PCDHA4: variants seen among roughly 807,000 people sequenced by gnomAD.
PCDHA4 encodes protocadherin alpha-4.
In PCDHA4, 49 loss-of-function variants were observed where a neutral mutation model predicts 61.4. The observed-to-expected ratio is 0.80, with a 90% CI of 0.63 to 1.01. The LOEUF is 1.01. PCDHA4 is among the 50% of genes least tolerant of loss of function. The pLI is 0.00. For synonymous variants in PCDHA4, 590 were observed against 550.3 expected (o/e 1.07, Z -1.01); for missense variants, 1,254 against 1,235.8 (o/e 1.01, Z -0.22).
Position 140,807,462 on chromosome 5 carries a change from G to T in PCDHA4, c.275G>T (p.Arg92Leu). The T allele has an allele frequency of 6.2e-7, 1 of 1,608,784 alleles. No homozygotes were observed. Among genetic ancestry groups the T allele is most frequent in the Non-Finnish European group, 8.5e-7 (1 of 1,178,346 alleles). The change falls in exon 1 of 4, where the codon CGG becomes CTG. Residue 92 changes from arginine to leucine, a missense_variant. Physicochemically the swap from Arg to Leu is moderately radical, Grantham distance 102 (BLOSUM62 -2). Coordinates refer to ENST00000530339, the MANE Select transcript of PCDHA4 (RefSeq NM_018907.4). ...GILFVNSRID[R>L]EELCRRSAEC... ...TTGTTTGTGAATTCTCGGATCGACC[G>T]GGAGGAGCTGTGCCGGCGGAGCGCG...
At chr5:140,994,226 G>A (rs2097606248) in intron 3 of PCDHA4, among the ~76,000 whole-genome samples, 1 of 152,162 alleles carries the variant, frequency 6.6e-6, no homozygotes. Flanking sequence ...GTCTGTCTAT[G>A]TTATAATCAA....
In PCDHA4 at chr5:140,923,435, G is replaced by A. The variant is rs186360462; in HGVS notation, c.2386-55514G>A. 5.3e-3 allele frequency among the ~76,000 whole-genome samples: 803 copies of A among 152,184 alleles called. 3 individuals are homozygous for A. Among genetic ancestry groups the A allele is most frequent in the Non-Finnish European group, 8.4e-3 (569 of 67,990 alleles). ...CCTGGCTACTTGGGAGGCTGGGGTG[G>A]GAGGATCACCTGAGCCCAGAGAGGT... On this transcript the variant is annotated intron_variant, in intron 1 of 3. Transcript: ENST00000530339.
intron 1 of PCDHA4, among the ~76,000 whole-genome samples, chr5:140,914,442 CT>C (rs782585142): frequency 1.5e-4 from 23 of 152,072 alleles, no homozygotes; most frequent in Non-Finnish European, 2.9e-4. Context: ...TTTCCCATGT[CT>C]TTATTTTCCA....
chr5:140,972,479 C>T (rs782631191), intron 1 of PCDHA4, among the ~76,000 whole-genome samples: 1 of 151,994 alleles, frequency 6.6e-6, no homozygotes, highest in Non-Finnish European at 1.5e-5. Flanking sequence ...CAGCATTTAA[C>T]CCCAGACTCT....
intron 1 of PCDHA4, chr5:140,871,254 T>C (rs2052877149): frequency 6.8e-6 from 11 of 1,613,826 alleles, no homozygotes; most frequent in Admixed American, 1.7e-5. Context: ...TGCTGCTGTA[T>C]ACGGCGCTGT....
intron 1 of PCDHA4, chr5:140,815,038 A>T (rs1765640117): frequency 1.3e-5 from 2 of 152,070 alleles, no homozygotes; most frequent in African/African-American, 2.4e-5. Flanking sequence ...TTTGCATGAA[A>T]TTTTTTTAAT....
intron 1 of PCDHA4, among the ~76,000 whole-genome samples, chr5:140,957,165 A>C (rs2095338056): frequency 6.6e-6 from 1 of 152,190 alleles, no homozygotes; most frequent in African/African-American, 2.4e-5. Context: ...AAATCTAAGT[A>C]TATAAATTGG....
chr5:140,823,380 C>G (rs2150125210), intron 1 of PCDHA4: 20 of 1,612,570 alleles, frequency 1.2e-5, no homozygotes, highest in Non-Finnish European at 1.6e-5. Flanking sequence ...TCCAGGTGAG[C>G]GCGCGCGACG....
intron 1 of PCDHA4, among the ~76,000 whole-genome samples, chr5:140,944,227 G>A (rs1472509213): frequency 6.6e-6 from 1 of 152,046 alleles, no homozygotes; most frequent in Non-Finnish European, 1.5e-5. Flanking sequence ...TTACTCTGTC[G>A]CTCAGGCTGG....
intron 1 of PCDHA4, chr5:140,966,879 GC>G: frequency 1.3e-6 from 2 of 1,587,514 alleles, no homozygotes; most frequent in Non-Finnish European, 1.7e-6. Flanking sequence ...CTGCTACCTG[GC>G]CCTGCGGCCT....
At chr5:140,843,158 C>T in intron 1 of PCDHA4, 1 of 1,596,142 alleles carries the variant, frequency 6.3e-7, no homozygotes, top group Non-Finnish European at 8.6e-7. Flanking sequence ...TGAGCTGCAG[C>T]CAGCTGCAAG....
At position 140,807,779 on chromosome 5, in the gene PCDHA4, A is replaced by G. The variant is rs1562212438; in HGVS notation, c.592A>G (p.Lys198Glu). The G allele has an allele frequency of 6.2e-7, 1 of 1,614,134 alleles. No homozygotes were observed. Among genetic ancestry groups the G allele is most frequent in the East Asian group, 2.2e-5 (1 of 44,884 alleles). ...AAAAGGTCTTGGGCTTATATTACGG[A>G]AATCTTTAGACAGAGAAGAAGCTCC... ...LVKGLGLILR[K>E]SLDREEAPEI... The change falls in exon 1 of 4, where the codon AAA (lysine) becomes GAA (glutamate). Residue 198 changes from lysine to glutamate, a missense_variant. By Grantham distance (56) the Lys-to-Glu change is moderately conservative. Coordinates refer to ENST00000530339, the MANE Select transcript of PCDHA4 (RefSeq NM_018907.4).
At position 140,878,341 on chromosome 5, in the gene PCDHA4, A is replaced by G. The variant is rs980108622; in HGVS notation, c.2385+68769A>G. Reference sequence around the variant, plus strand: ...TTCACATTATATTCCAGGTATTATCACAATAATATAAATGATATGTCTGAC... The same window carrying G: ...TTCACATTATATTCCAGGTATTATCGCAATAATATAAATGATATGTCTGAC... On this transcript the variant is annotated intron_variant, in intron 1 of 3. Coordinates refer to ENST00000530339, the MANE Select transcript of PCDHA4 (RefSeq NM_018907.4). Among the ~76,000 whole-genome samples the G allele has an allele frequency of 2.0e-5, 3 of 152,350 alleles. No homozygotes were observed. In the East Asian group the frequency reaches 5.8e-4, roughly 29 times the overall value.
chr5:140,990,852 A>T (rs1265916406), intron 3 of PCDHA4, among the ~76,000 whole-genome samples: 2 of 152,198 alleles, frequency 1.3e-5, no homozygotes, highest in Non-Finnish European at 1.5e-5. Context: ...TAGAGCCCTG[A>T]GGACATTGTA....
At chr5:140,836,227 C>T in intron 1 of PCDHA4, 2 of 1,613,736 alleles carry the variant, frequency 1.2e-6, no homozygotes, top group South Asian at 1.1e-5. Context: ...CAACCGGTGG[C>T]GGCCGGTGCG....
intron 1 of PCDHA4, chr5:140,862,334 C>T: frequency 3.0e-6 from 1 of 329,810 alleles, no homozygotes; most frequent in Non-Finnish European, 6.0e-6. Context: ...TGTAATTGAC[C>T]CTAACTTCAG....
chr5:140,915,008 T>C (rs1201776517), intron 1 of PCDHA4, among the ~76,000 whole-genome samples: 1 of 150,866 alleles, frequency 6.6e-6, no homozygotes, highest in Non-Finnish European at 1.5e-5. Context: ...TGCAGTGGCC[T>C]GATCTTGGCT....
At chr5:140,881,336 G>A in intron 1 of PCDHA4, 1 of 985,066 alleles carries the variant, frequency 1.0e-6, no homozygotes, top group Non-Finnish European at 1.2e-6. Context: ...CCAGGACGCC[G>A]ATTCGGGCTA....
intron 1 of PCDHA4, among the ~76,000 whole-genome samples, chr5:140,839,389 GAT>G (rs2150297251): frequency 1.3e-5 from 2 of 151,658 alleles, no homozygotes; most frequent in African/African-American, 4.9e-5. Flanking sequence ...TTATGATGAT[GAT>G]GATGATTATT....
Sources: allele counts gnomAD v4.1 joint callset (sites outside exome capture counted in the v4.1 genomes callset), GRCh38; gene constraint gnomAD v4.1.1; transcripts MANE v1.5; gene names NCBI Gene and HGNC (gene_info 2026-07-23, HGNC 2026-07-21).